MBNL2: variants seen among roughly 807,000 people sequenced by gnomAD.
MBNL2 encodes the protein muscleblind-like protein 2.
MBNL2 carries 17 observed loss-of-function variants against 41.9 expected under a neutral mutation model. The ratio of observed to expected loss-of-function variants is 0.41; its 90% CI spans 0.28 to 0.61. The LOEUF (loss-of-function observed/expected upper bound fraction) is 0.61, where lower values mean the gene tolerates loss of function less well. Ranked by LOEUF, MBNL2 falls within the 20% of genes least tolerant of loss-of-function variation. MBNL2 has a pLI of 0.35. For synonymous variants in MBNL2, 195 were observed against 182.9 expected, an observed-to-expected ratio of 1.07 and a Z score of -0.53; for missense variants, 336 against 505.6, an observed-to-expected ratio of 0.66 and a Z score of 3.22.
the MBNL2 span, among the ~76,000 whole-genome samples, chr13:97,215,975 G>A: frequency 6.6e-6 from 1 of 152,180 alleles, no homozygotes; most frequent in Non-Finnish European, 1.5e-5. Flanking sequence ...CATGTTCTAT[G>A]CTAAGGGAGT....
chr13:97,285,827 T>C (rs903022550), intron 2 of MBNL2, among the ~76,000 whole-genome samples: 3 of 152,086 alleles, frequency 2.0e-5, no homozygotes, highest in African/African-American at 7.3e-5. Flanking sequence ...TTCACTCTCA[T>C]CTGGTTTTCA....
At chr13:97,263,577 G>A (rs1468599733) in intron 1 of MBNL2, among the ~76,000 whole-genome samples, 1 of 152,190 alleles carries the variant, frequency 6.6e-6, no homozygotes, top group East Asian at 1.9e-4. Flanking sequence ...TTGATGTCTT[G>A]CAATGGACGT....
At chr13:97,179,009 G>A in the MBNL2 span, among the ~76,000 whole-genome samples, 1 of 152,216 alleles carries the variant, frequency 6.6e-6, no homozygotes, top group South Asian at 2.1e-4. Context: ...AGTAGTCTTT[G>A]AACCACTTGA....
chr13:97,351,550 G>A (rs2062459046), intron 5 of MBNL2, among the ~76,000 whole-genome samples: 1 of 152,224 alleles, frequency 6.6e-6, no homozygotes, highest in Non-Finnish European at 1.5e-5. Context: ...TAGATCTTCT[G>A]AATAACTTGC....
intron 2 of MBNL2, among the ~76,000 whole-genome samples, chr13:97,301,181 T>A (rs1481744200): frequency 6.6e-6 from 1 of 152,234 alleles, no homozygotes; most frequent in Admixed American, 6.5e-5. Flanking sequence ...GACATTAACA[T>A]GTACGGTGGG....
intron 7 of MBNL2, among the ~76,000 whole-genome samples, chr13:97,358,942 AACAAT>A (rs1358896671): frequency 6.6e-6 from 1 of 152,228 alleles, no homozygotes; most frequent in Non-Finnish European, 1.5e-5. Context: ...GTAACCTGTG[AACAAT>A]ACATATTTTA....
At chr13:97,213,668 C>T in the MBNL2 span, among the ~76,000 whole-genome samples, 1 of 152,128 alleles carries the variant, frequency 6.6e-6, no homozygotes, top group Non-Finnish European at 1.5e-5. Context: ...CTTATCTTTA[C>T]ATCATGAATG....
chr13:97,366,164 A>G lies in MBNL2; in HGVS notation c.1048+993A>G, dbSNP rs905221703. Among the ~76,000 whole-genome samples the G allele has an allele frequency of 6.6e-6, 1 of 152,190 alleles. No individual in the cohort carries two copies. The highest frequency in any genetic ancestry group is 1.5e-5 in the Non-Finnish European group (1 of 68,018). On this transcript the variant is annotated intron_variant, in intron 8 of 8. Transcript: ENST00000679496. This position sits in a 1 kb window ranked among gnomAD's most constrained non-coding sequence, Gnocchi z 4.7. ...ACTGTATACACTGAATTGGGAATGG[A>G]TCTATTGTTAGAAATAAAATGTTTA... is the stretch of plus-strand genomic sequence containing the variant.
chr13:97,383,922 G>A (rs974483295), intron 8 of MBNL2, among the ~76,000 whole-genome samples: 27 of 147,286 alleles, frequency 1.8e-4, no homozygotes, highest in African/African-American at 5.1e-4. Flanking sequence ...TTTTTTGAGC[G>A]GGAGTCTCGT....
Position 97,391,502 on chromosome 13 carries a change from T to C in MBNL2, c.*53T>C, listed in dbSNP as rs1044239765. On this transcript the variant is annotated 3_prime_UTR_variant, in exon 9 of 9. Coordinates refer to ENST00000679496, the MANE Select transcript of MBNL2 (RefSeq NM_001382683.1). ...CACAACTCTAAGAAGCTAGTGCTGC[T>C]ATCTCATATATGAGTATTAAATATG... The C allele has an allele frequency of 1.2e-6, 1 of 803,348 alleles. No homozygotes were observed. The highest frequency in any genetic ancestry group is 1.7e-5 in the African/African-American group (1 of 59,090). The allele number at this position is 803,348 out of a possible 1,614,324, so 49.8% of individuals were successfully genotyped here.
At chr13:97,253,832 G>A (rs1051399545) in intron 1 of MBNL2, among the ~76,000 whole-genome samples, 27 of 151,208 alleles carry the variant, frequency 1.8e-4, no homozygotes, top group African/African-American at 6.1e-4. Context: ...ATTGTGTAAT[G>A]TTCTTTGGGC....
the MBNL2 span, among the ~76,000 whole-genome samples, chr13:97,142,559 C>T: frequency 6.6e-6 from 1 of 152,210 alleles, no homozygotes; most frequent in African/African-American, 2.4e-5. Context: ...CATATTCCAC[C>T]TCCCCACACT....
At chr13:97,168,467 C>T in the MBNL2 span, among the ~76,000 whole-genome samples, 1 of 152,120 alleles carries the variant, frequency 6.6e-6, no homozygotes, top group Non-Finnish European at 1.5e-5. Flanking sequence ...ACTCCCCATC[C>T]TTATCTCTCT....
At chr13:97,354,804 A>G (rs1215400064) in intron 5 of MBNL2, among the ~76,000 whole-genome samples, 1 of 152,240 alleles carries the variant, frequency 6.6e-6, no homozygotes, top group African/African-American at 2.4e-5. Context: ...GAAAAGATCA[A>G]CCCATTAGTG....
chr13:97,296,131 T>C (rs576251970), intron 2 of MBNL2, among the ~76,000 whole-genome samples: 2 of 152,314 alleles, frequency 1.3e-5, no homozygotes, highest in South Asian at 4.1e-4. Flanking sequence ...CGCTAAATAA[T>C]TGAGACACTC....
chr13:97,218,049 T>C (rs57964335), upstream of MBNL2, among the ~76,000 whole-genome samples: 1,841 of 152,170 alleles, frequency 0.012, 41 homozygotes, highest in African/African-American at 0.042. Flanking sequence ...AAATGGGAAA[T>C]GATCAAATAA....
At chr13:97,291,533 C>G (rs1566397081) in intron 2 of MBNL2, among the ~76,000 whole-genome samples, 2 of 152,098 alleles carry the variant, frequency 1.3e-5, no homozygotes, top group African/African-American at 4.8e-5. Flanking sequence ...TGTGTCACGA[C>G]AGGTTATTAA....
upstream of MBNL2, chr13:97,222,227 G>T (rs2040920698): frequency 5.1e-6 from 2 of 393,488 alleles, no homozygotes; most frequent in Admixed American, 4.4e-5. Context: ...ATCCTATTAG[G>T]GCCAGTTTCA....
At chr13:97,237,665 G>T (rs1013534659) in intron 1 of MBNL2, among the ~76,000 whole-genome samples, 2 of 152,182 alleles carry the variant, frequency 1.3e-5, no homozygotes, top group African/African-American at 4.8e-5. Flanking sequence ...ACCCATGCAG[G>T]TTTTTCTGGA....
Sources: allele counts gnomAD v4.1 joint callset (sites outside exome capture counted in the v4.1 genomes callset), GRCh38; gene constraint gnomAD v4.1.1; non-coding constraint Gnocchi (gnomAD v3.1); transcripts MANE v1.5; gene names NCBI Gene and HGNC (gene_info 2026-07-23, HGNC 2026-07-21).